ZNF678: variants seen among roughly 807,000 people sequenced by gnomAD.
ZNF678 encodes the protein zinc finger protein 678, also known as hypothetical protein MGC42493.
In ZNF678, 5 loss-of-function variants were observed where a neutral mutation model predicts 3.0. That is an observed-to-expected ratio of 1.69 (90% CI 0.88 to 3.56). ZNF678 has a LOEUF of 3.56. Among genes scored for constraint, ZNF678 ranks in the 30% most tolerant of loss-of-function variants. The pLI is 0.00. For missense variants in ZNF678, 593 were observed against 605.0 expected (o/e 0.98, Z 0.21); for synonymous variants, 218 against 199.6 (o/e 1.09, Z -0.78).
chr1:227,623,288 A>G (rs1658326369), intron 1 of ZNF678, among the ~76,000 whole-genome samples: 1 of 152,216 alleles, frequency 6.6e-6, no homozygotes, highest in South Asian at 2.1e-4. Flanking sequence ...GGAATGCAGA[A>G]AGTAGTAGGT....
intron 1 of ZNF678, among the ~76,000 whole-genome samples, chr1:227,612,564 A>G (rs1340821130): frequency 6.6e-6 from 1 of 152,070 alleles, no homozygotes; most frequent in African/African-American, 2.4e-5. Context: ...CCTTACCTAC[A>G]TCCTTACTCT....
At chr1:227,624,042 A>G (rs984641106) in intron 1 of ZNF678, among the ~76,000 whole-genome samples, 13 of 152,208 alleles carry the variant, frequency 8.5e-5, no homozygotes, top group African/African-American at 3.1e-4. Context: ...TATATGTACT[A>G]TAAGTAGTAG....
intron 1 of ZNF678, among the ~76,000 whole-genome samples, chr1:227,566,598 A>G (rs559278089): frequency 3.9e-5 from 6 of 152,256 alleles, no homozygotes; most frequent in African/African-American, 1.4e-4. Flanking sequence ...CTTGAGTCGG[A>G]TGTGTCTGTG....
chr1:227,598,375 C>T, intron 1 of ZNF678: 2 of 1,388,592 alleles, frequency 1.4e-6, no homozygotes, highest in Non-Finnish European at 1.9e-6. Flanking sequence ...GTTGAAATTT[C>T]CTCAGACATT....
rs115527330 is a variant in ZNF678 at position 227,590,982 on chromosome 1, A to G, written c.-164+27258A>G. Among the ~76,000 whole-genome samples, 688 of 151,836 alleles carry G rather than the reference A, an allele frequency of 4.5e-3. 17 individuals are homozygous for G. The highest frequency in any genetic ancestry group is 0.015 in the African/African-American group (636 of 41,244). On this transcript the variant is annotated intron_variant, in intron 1 of 3. Coordinates refer to ENST00000343776, the MANE Select transcript of ZNF678 (RefSeq NM_001367909.1). ...GAATTCATTCAGGAACTGGGTCTGT[A>G]GGTACTAATTCTCGGGCTTCCTATG...
intron 1 of ZNF678, among the ~76,000 whole-genome samples, chr1:227,598,175 T>G (rs1451032406): frequency 6.6e-6 from 1 of 152,154 alleles, no homozygotes; most frequent in African/African-American, 2.4e-5. Flanking sequence ...AAATAACCAC[T>G]AGTCTGACTG....
chr1:227,573,065 G>T (rs188434497), intron 1 of ZNF678, among the ~76,000 whole-genome samples: 1 of 152,248 alleles, frequency 6.6e-6, no homozygotes, highest in Non-Finnish European at 1.5e-5. Context: ...ATTCTGCCAC[G>T]TGGCATGGGG....
intron 1 of ZNF678, among the ~76,000 whole-genome samples, chr1:227,586,163 A>C (rs551071046): frequency 5.3e-5 from 8 of 152,196 alleles, no homozygotes; most frequent in Non-Finnish European, 1.2e-4. Flanking sequence ...ACTGTACTGC[A>C]GACTGGGCAA....
intron 1 of ZNF678, among the ~76,000 whole-genome samples, chr1:227,636,991 T>A (rs960455348): frequency 3.3e-5 from 5 of 152,112 alleles, no homozygotes; most frequent in African/African-American, 1.2e-4. Flanking sequence ...GGGCGATGAG[T>A]TCAGCTTTTT....
chr1:227,602,783 G>A (rs1275910330), intron 1 of ZNF678, among the ~76,000 whole-genome samples: 1 of 152,168 alleles, frequency 6.6e-6, no homozygotes, highest in Non-Finnish European at 1.5e-5. Context: ...ACTTAAAAAG[G>A]TCTTAAATGA....
chr1:227,644,921 A>C (rs2102795216), intron 1 of ZNF678, among the ~76,000 whole-genome samples: 1 of 152,234 alleles, frequency 6.6e-6, no homozygotes, highest in Non-Finnish European at 1.5e-5. Flanking sequence ...GGGCCCTTAG[A>C]TACATTTGTG....
intron 1 of ZNF678, among the ~76,000 whole-genome samples, chr1:227,588,283 C>T (rs1657316477): frequency 6.6e-6 from 1 of 152,202 alleles, no homozygotes; most frequent in East Asian, 1.9e-4. Context: ...AATAGTACTA[C>T]AGTGAACATA....
intron 1 of ZNF678, among the ~76,000 whole-genome samples, chr1:227,604,669 A>G (rs1459978589): frequency 1.3e-5 from 2 of 152,224 alleles, no homozygotes; most frequent in East Asian, 1.9e-4. Flanking sequence ...GCTTACACGC[A>G]TGAATCACTG....
chr1:227,633,332 C>G (rs192180451), intron 1 of ZNF678, among the ~76,000 whole-genome samples: 1 of 152,178 alleles, frequency 6.6e-6, no homozygotes, highest in South Asian at 2.1e-4. Flanking sequence ...GGGTTTATAT[C>G]GCAATCATTG....
chr1:227,650,023 G>A (rs1385958782), intron 2 of ZNF678, among the ~76,000 whole-genome samples: 3 of 151,926 alleles, frequency 2.0e-5, no homozygotes, highest in East Asian at 3.8e-4. Context: ...GTTTCATGCA[G>A]TCCAACTTGT....
chr1:227,626,673 A>C (rs1488459529), intron 1 of ZNF678, among the ~76,000 whole-genome samples: 1 of 152,130 alleles, frequency 6.6e-6, no homozygotes, highest in Admixed American at 6.5e-5. Context: ...GGCTATAGGC[A>C]ACAGAGCAAA....
At chr1:227,643,294 A>G (rs1412005325) in intron 1 of ZNF678, among the ~76,000 whole-genome samples, 1 of 152,198 alleles carries the variant, frequency 6.6e-6, no homozygotes, top group African/African-American at 2.4e-5. Context: ...AGAAAATTCT[A>G]AAGGTTTATA....
downstream of ZNF678, among the ~76,000 whole-genome samples, chr1:227,667,283 G>A (rs546155380): frequency 1.3e-5 from 2 of 152,030 alleles, no homozygotes; most frequent in Admixed American, 6.6e-5. Flanking sequence ...CGATCCGCCC[G>A]CCTTGGCCTC....
intron 5 of ZNF678, among the ~76,000 whole-genome samples, chr1:227,669,461 C>T (rs1306694330): frequency 6.7e-6 from 1 of 149,524 alleles, no homozygotes; most frequent in Non-Finnish European, 1.5e-5. Context: ...ACGGTGAAAC[C>T]CCGTCTCTAC....
Sources: gnomAD v4.1 joint callset for allele counts (sites outside exome capture counted in the v4.1 genomes callset) on GRCh38, gnomAD v4.1.1 for gene constraint, MANE v1.5 for transcripts, NCBI Gene and HGNC (gene_info 2026-07-23, HGNC 2026-07-21) for gene names.